The following PTPRD variants were observed in gnomAD, a reference collection of about 807,000 sequenced individuals.
PTPRD encodes receptor-type tyrosine-protein phosphatase delta.
In PTPRD, 34 loss-of-function variants were observed where a neutral mutation model predicts 214.5. That is an observed-to-expected ratio of 0.16 (90% confidence interval 0.12 to 0.21). PTPRD has a LOEUF of 0.21. Among genes scored for constraint, PTPRD ranks in the 10% least tolerant of loss-of-function variants. The pLI is 1.00. For missense variants in PTPRD, 2,545 were observed against 2,398.7 expected, an observed-to-expected ratio of 1.06 and a Z score of -1.27; for synonymous variants, 1,128 against 845.7, an observed-to-expected ratio of 1.33 and a Z score of -5.79.
chr9:9,363,729 G>A (rs2057005199), intron 9 of PTPRD, among the ~76,000 whole-genome samples: 1 of 151,272 alleles, frequency 6.6e-6, no homozygotes, highest in Non-Finnish European at 1.5e-5. Flanking sequence ...GATTCTCTAA[G>A]AGAGCTTTGT....
intron 2 of PTPRD, among the ~76,000 whole-genome samples, chr9:10,379,537 C>A (rs1194642717): frequency 2.0e-5 from 3 of 151,944 alleles, no homozygotes; most frequent in Non-Finnish European, 1.5e-5. Context: ...TTTTCAACAT[C>A]ATGCAAATAC....
At chr9:10,351,853 T>G (rs928777930) in intron 2 of PTPRD, among the ~76,000 whole-genome samples, 3 of 152,006 alleles carry the variant, frequency 2.0e-5, no homozygotes, top group Non-Finnish European at 4.4e-5. Flanking sequence ...TGATGGTACT[T>G]TGATAGTGAA....
intron 11 of PTPRD, among the ~76,000 whole-genome samples, chr9:8,858,887 A>T (rs2098029846): frequency 6.6e-6 from 1 of 151,530 alleles, no homozygotes; most frequent in Non-Finnish European, 1.5e-5. Context: ...GGGTGACGTC[A>T]CTCCCCAGCA....
intron 3 of PTPRD, among the ~76,000 whole-genome samples, chr9:10,313,503 A>G (rs1354513235): frequency 4.6e-5 from 7 of 151,864 alleles, no homozygotes; most frequent in Non-Finnish European, 7.4e-5. Context: ...AGACAAAACT[A>G]TCAATTATCA....
At chr9:8,721,885 T>C (rs1417198032) in intron 12 of PTPRD, among the ~76,000 whole-genome samples, 1 of 152,216 alleles carries the variant, frequency 6.6e-6, no homozygotes, top group Non-Finnish European at 1.5e-5. Context: ...AAGGGCATTA[T>C]CTATCTCTCC....
At chr9:9,937,630 G>T (rs891803025) in intron 5 of PTPRD, among the ~76,000 whole-genome samples, 1 of 152,026 alleles carries the variant, frequency 6.6e-6, no homozygotes, top group Non-Finnish European at 1.5e-5. Context: ...TTCATAAATA[G>T]ACCAAATACT....
At position 9,473,669 on chromosome 9, in the gene PTPRD, T is replaced by G. The variant is rs1413188368; in HGVS notation, c.-236-76187A>C. Among the ~76,000 whole-genome samples the G allele has an allele frequency of 2.0e-5, 3 of 152,150 alleles. No individual in the cohort carries two copies. In the East Asian group the frequency reaches 5.8e-4, roughly 29 times the overall value. On this transcript the variant is annotated intron_variant, in intron 8 of 45. Transcript: ENST00000381196. ...CACTTCATTCTCTTGATGATGGCCA[T>G]TCCAACAGGGGTGACATACTTCATC...
At position 10,037,098 on chromosome 9, in the gene PTPRD, C is replaced by G. The variant is rs937698954; in HGVS notation, c.-544-3308G>C. ...AAGAGACAGAGATTCACTATGTTGC[C>G]CAGAATGGTCTCGGACTCCTGGACT... On this transcript the variant is annotated intron_variant, in intron 3 of 45. Coordinates refer to ENST00000381196, the MANE Select transcript of PTPRD (RefSeq NM_002839.4). 4.6e-5 allele frequency among the ~76,000 whole-genome samples: 7 copies of G among 151,566 alleles called. No homozygotes were observed. In the East Asian group the frequency reaches 1.4e-3, roughly 30 times the overall value.
At chr9:10,452,645 T>TA (rs1197863082) in intron 2 of PTPRD, among the ~76,000 whole-genome samples, 1 of 151,864 alleles carries the variant, frequency 6.6e-6, no homozygotes, top group African/African-American at 2.4e-5. Flanking sequence ...TCTATTCATT[T>TA]AAAAAAATCA....
intron 10 of PTPRD, among the ~76,000 whole-genome samples, chr9:9,143,873 C>T (rs184531778): frequency 6.6e-6 from 1 of 152,236 alleles, no homozygotes; most frequent in African/African-American, 2.4e-5. Context: ...CCGAATTAAG[C>T]AAAAATGATT....
At chr9:9,065,629 T>C (rs1383741000) in intron 10 of PTPRD, among the ~76,000 whole-genome samples, 1 of 151,986 alleles carries the variant, frequency 6.6e-6, no homozygotes, top group Non-Finnish European at 1.5e-5. Flanking sequence ...TGGGAGAAAA[T>C]ACATTATGGG....
chr9:8,364,505 G>A (rs923928861), intron 39 of PTPRD, among the ~76,000 whole-genome samples: 1 of 152,106 alleles, frequency 6.6e-6, no homozygotes, highest in Non-Finnish European at 1.5e-5. Flanking sequence ...CAAGCATATC[G>A]ACACTAAAAA....
At chr9:10,058,724 G>C (rs1489711191) in intron 3 of PTPRD, among the ~76,000 whole-genome samples, 1 of 152,070 alleles carries the variant, frequency 6.6e-6, no homozygotes, top group Admixed American at 6.6e-5. Flanking sequence ...TTCAAAAGAA[G>C]GTCCATAAGT....
In PTPRD at chr9:9,791,603, G is replaced by T. The variant is rs539219258; in HGVS notation, c.-367-24752C>A. ...ATTTTTAAGAGCCTTGGCATTCTCT[G>T]TCTTTCTTCCTTTCATCTTTCTTTT... is the stretch of plus-strand genomic sequence containing the variant. On this transcript the variant is annotated intron_variant, in intron 5 of 45. Transcript: ENST00000381196. Among the ~76,000 whole-genome samples the T allele has an allele frequency of 4.6e-5, 7 of 152,152 alleles. No homozygotes were observed. In the South Asian group the frequency reaches 1.5e-3, roughly 32 times the overall value.
intron 34 of PTPRD, among the ~76,000 whole-genome samples, chr9:8,439,168 G>A (rs2095458143): frequency 6.6e-6 from 1 of 152,166 alleles, no homozygotes; most frequent in African/African-American, 2.4e-5. Flanking sequence ...GAGAATCTGT[G>A]TGAATCCAAT....
chr9:9,484,371 T>C (rs1267407977), intron 8 of PTPRD, among the ~76,000 whole-genome samples: 2 of 152,056 alleles, frequency 1.3e-5, no homozygotes, highest in Non-Finnish European at 2.9e-5. Context: ...ATCAGCATAG[T>C]AGTTAGTTCA....
chr9:8,582,512 G>A (rs369584259), intron 14 of PTPRD, among the ~76,000 whole-genome samples: 3 of 151,906 alleles, frequency 2.0e-5, no homozygotes, highest in African/African-American at 7.3e-5. Flanking sequence ...GCATTTAACT[G>A]ACAAGGAATT....
intron 11 of PTPRD, chr9:8,797,275 G>C (rs955618497): frequency 9.2e-5 from 14 of 152,110 alleles, no homozygotes; most frequent in Admixed American, 2.0e-4. Context: ...ATGGCCAAGA[G>C]ATTTACTCCT....
Position 9,361,148 on chromosome 9 carries a change from G to A in PTPRD, c.-203+36301C>T, listed in dbSNP as rs375623904. ...CATTAGAAGTGCAGGTAATTTGGGG[G>A]ACCCTATAGGTCAAAGGCTTACAAC... On this transcript the variant is annotated intron_variant, in intron 9 of 45. Transcript: ENST00000381196. Among the ~76,000 whole-genome samples the A allele has an allele frequency of 4.0e-5, 6 of 151,004 alleles. 1 individual carries two copies. The highest frequency in any genetic ancestry group is 1.5e-4 in the African/African-American group (6 of 41,282).
Sources: gnomAD v4.1 joint callset for allele counts (sites outside exome capture counted in the v4.1 genomes callset) on GRCh38, gnomAD v4.1.1 for gene constraint, MANE v1.5 for transcripts, NCBI Gene and HGNC (gene_info 2026-07-23, HGNC 2026-07-21) for gene names.